The following PACRG variants were observed in gnomAD, a reference collection of about 807,000 sequenced individuals.
PACRG encodes the protein parkin coregulated, also known as parkin coregulated gene protein.
Under a neutral mutation model 29.7 loss-of-function variants are expected in PACRG, and 29 were observed. The observed-to-expected ratio is 0.98, with a 90% CI of 0.73 to 1.33. PACRG has a LOEUF of 1.33. PACRG is among the 40% of genes most tolerant of loss of function. The probability of loss-of-function intolerance (pLI) is 0.00; values close to 1 mark genes in which losing one functional copy is unlikely to be tolerated. For synonymous variants in PACRG, 116 were observed against 118.7 expected (o/e 0.98, Z 0.15); for missense variants, 279 against 316.2 (o/e 0.88, Z 0.89).
chr6:163,089,423 G>C lies in PACRG; in HGVS notation c.613+15G>C. On this transcript the variant is annotated intron_variant, in intron 4 of 4. Coordinates refer to ENST00000366888, the MANE Select transcript of PACRG (RefSeq NM_001080379.2). ...GAATATGAATGGTGAGTGAGCCCAC[G>C]AGTCAAAATGTCTTTTAAGCCAAAG... 6.2e-7 allele frequency: 1 copy of C among 1,610,170 alleles called. No homozygotes were observed. Among genetic ancestry groups the C allele is most frequent in the African/African-American group, 1.3e-5 (1 of 74,918 alleles).
rs1562765497 is a variant in PACRG at position 162,947,341 on chromosome 6, T to TG, written c.292-114809_292-114808insG. Among the ~76,000 whole-genome samples the TG allele has an allele frequency of 1.3e-3, 82 of 61,486 alleles. 4 individuals are homozygous for TG. The highest frequency in any genetic ancestry group is 4.4e-3 in the African/African-American group (77 of 17,426). The allele number at this position is 61,486 out of a possible 152,430, so 40.3% of individuals were successfully genotyped here. ...TATATAATACATATAATCATATATA[T>TG]AATGATTACATATATATAATGTAAT... On this transcript the variant is annotated intron_variant, in intron 2 of 4. Coordinates refer to ENST00000366888, the MANE Select transcript of PACRG (RefSeq NM_001080379.2).
chr6:163,236,252 G>T (rs1281331288), intron 4 of PACRG, among the ~76,000 whole-genome samples: 1 of 152,100 alleles, frequency 6.6e-6, no homozygotes, highest in Non-Finnish European at 1.5e-5. Context: ...CTCCAGGTAG[G>T]TTTCCTAAAC....
chr6:162,990,102 T>C (rs1584950239), intron 2 of PACRG, among the ~76,000 whole-genome samples: 1 of 151,584 alleles, frequency 6.6e-6, no homozygotes. Flanking sequence ...TATTCCATGG[T>C]GTATATGTGC....
At chr6:163,132,562 G>A (rs944766786) in intron 4 of PACRG, among the ~76,000 whole-genome samples, 1 of 152,144 alleles carries the variant, frequency 6.6e-6, no homozygotes, top group Non-Finnish European at 1.5e-5. Context: ...TCATAGCCCA[G>A]TGAAGCTGTC....
At chr6:163,309,560 T>G (rs1359810425) in intron 4 of PACRG, among the ~76,000 whole-genome samples, 2 of 152,212 alleles carry the variant, frequency 1.3e-5, no homozygotes, top group Non-Finnish European at 2.9e-5. Flanking sequence ...AAGCAGGTAT[T>G]TAGTGTGAAG....
chr6:162,765,811 G>T (rs577528216), intron 1 of PACRG, among the ~76,000 whole-genome samples: 23 of 151,810 alleles, frequency 1.5e-4, no homozygotes, highest in South Asian at 1.0e-3. Flanking sequence ...GCATTTTTGG[G>T]CATTTCTTTA....
chr6:163,265,172 G>C (rs945219770), intron 4 of PACRG, among the ~76,000 whole-genome samples: 1 of 152,210 alleles, frequency 6.6e-6, no homozygotes, highest in African/African-American at 2.4e-5. Flanking sequence ...TCTAAAGATA[G>C]TATGTTGTAG....
intron 4 of PACRG, among the ~76,000 whole-genome samples, chr6:163,176,104 G>A (rs931575440): frequency 1.3e-5 from 2 of 152,140 alleles, no homozygotes; most frequent in Admixed American, 6.5e-5. Flanking sequence ...CAGTTTCTCC[G>A]TCTTACCTGC....
At chr6:163,180,784 G>A (rs921695989) in intron 4 of PACRG, among the ~76,000 whole-genome samples, 5 of 152,036 alleles carry the variant, frequency 3.3e-5, no homozygotes, top group Non-Finnish European at 5.9e-5. Flanking sequence ...AAAAAAATGG[G>A]CAAAAAATCT....
At chr6:163,101,936 A>C (rs1815115018) in intron 4 of PACRG, among the ~76,000 whole-genome samples, 1 of 152,186 alleles carries the variant, frequency 6.6e-6, no homozygotes. Context: ...CAAAACAAAA[A>C]AAGTTGAGTG....
At chr6:163,072,988 G>A (rs954959489) in intron 3 of PACRG, among the ~76,000 whole-genome samples, 10 of 152,060 alleles carry the variant, frequency 6.6e-5, no homozygotes, top group Admixed American at 2.6e-4. Context: ...TTATGTTCAC[G>A]AATTGGAAGA....
chr6:162,862,573 T>C (rs1791954681), intron 2 of PACRG, among the ~76,000 whole-genome samples: 2 of 152,214 alleles, frequency 1.3e-5, no homozygotes, highest in East Asian at 3.9e-4. Flanking sequence ...GAGCCATCTT[T>C]ATAAACTGGG....
intron 4 of PACRG, among the ~76,000 whole-genome samples, chr6:163,140,533 A>T (rs1817111607): frequency 1.3e-5 from 2 of 152,238 alleles, no homozygotes; most frequent in African/African-American, 2.4e-5. Context: ...GCAGACAGCC[A>T]CAAAACTACT....
At chr6:162,966,057 TCTA>T in intron 2 of PACRG, among the ~76,000 whole-genome samples, 1 of 152,332 alleles carries the variant, frequency 6.6e-6, no homozygotes, top group South Asian at 2.1e-4. Context: ...GATTTGTTTC[TCTA>T]CAGGAAAAGA....
In PACRG at chr6:163,269,512, A is replaced by T. The variant is rs573576690; in HGVS notation, c.614-45315A>T. 3.3e-5 allele frequency among the ~76,000 whole-genome samples: 5 copies of T among 152,130 alleles called. No individual in the cohort carries two copies. The East Asian group carries it at 9.7e-4, about 29-fold the overall frequency. ...ACCTGGTTCTTCACATTGTTCTTTG[A>T]TTCAGTTCGCTACCTCCTACCTTTC... On this transcript the variant is annotated intron_variant, in intron 4 of 4. Transcript: ENST00000366888.
At chr6:162,804,404 A>G (rs2128344504) in intron 1 of PACRG, among the ~76,000 whole-genome samples, 1 of 152,286 alleles carries the variant, frequency 6.6e-6, no homozygotes, top group East Asian at 1.9e-4. Context: ...GTAGAGACAA[A>G]GAGATTGGGG....
chr6:162,957,732 A>G (rs1584867623), intron 2 of PACRG, among the ~76,000 whole-genome samples: 1 of 152,262 alleles, frequency 6.6e-6, no homozygotes, highest in South Asian at 2.1e-4. Context: ...TTCCTTTTAA[A>G]ATTAAGAAGC....
At chr6:162,996,421 A>G (rs539398693) in intron 2 of PACRG, among the ~76,000 whole-genome samples, 8 of 152,288 alleles carry the variant, frequency 5.3e-5, no homozygotes, top group East Asian at 3.9e-4. Context: ...CAAATCAAAT[A>G]TAGAAAATTC....
chr6:162,883,040 A>G (rs1794032646), intron 2 of PACRG, among the ~76,000 whole-genome samples: 5 of 152,192 alleles, frequency 3.3e-5, no homozygotes, highest in Admixed American at 3.3e-4. Context: ...TTGCATCATC[A>G]GCCTTGGAGC....
Sources: allele counts gnomAD v4.1 joint callset (sites outside exome capture counted in the v4.1 genomes callset), GRCh38; gene constraint gnomAD v4.1.1; transcripts MANE v1.5; gene names NCBI Gene and HGNC (gene_info 2026-07-23, HGNC 2026-07-21).